Variants in PCDHGA6 observed in about 807,000 individuals in gnomAD.
The protein encoded by PCDHGA6 is protocadherin gamma subfamily A, 6, also known as protocadherin gamma-A6.
PCDHGA6 carries 41 observed loss-of-function variants against 60.6 expected under a neutral mutation model. That is an observed-to-expected ratio of 0.68 (90% CI 0.53 to 0.88). The LOEUF (loss-of-function observed/expected upper bound fraction) is 0.88, where lower values mean the gene tolerates loss of function less well. Among genes scored for constraint, PCDHGA6 ranks in the 40% least tolerant of loss-of-function variants. The pLI is 0.00. For missense variants in PCDHGA6, 1,312 were observed against 1,203.0 expected, an observed-to-expected ratio of 1.09 and a Z score of -1.34; for synonymous variants, 594 against 524.4, an observed-to-expected ratio of 1.13 and a Z score of -1.81.
At chr5:141,409,592 A>G in intron 1 of PCDHGA6, 1 of 1,613,898 alleles carries the variant, frequency 6.2e-7, no homozygotes, top group African/African-American at 1.3e-5. Flanking sequence ...CGTGGCCGAG[A>G]ACAACCCGCC....
At chr5:141,404,865 T>C (rs1308625182) in intron 1 of PCDHGA6, 12 of 1,613,552 alleles carry the variant, frequency 7.4e-6, no homozygotes, top group Non-Finnish European at 1.0e-5. Flanking sequence ...AGAGATGCGC[T>C]CAAACAGAGC....
At position 141,487,329 on chromosome 5, in the gene PCDHGA6, C is replaced by T; in HGVS notation, c.2425-7478C>T. On this transcript the variant is annotated intron_variant, in intron 1 of 3. Coordinates refer to ENST00000517434, the MANE Select transcript of PCDHGA6 (RefSeq NM_018919.3). This position sits in a 1 kb window ranked among gnomAD's most constrained non-coding sequence, Gnocchi z 5.0. Reference sequence around the variant, plus strand: ...CTACTCTCTAAGTGTCTTCGTGGGGCAGCCTGTGGAGTCACATGCTTTCCT... The same window carrying T: ...CTACTCTCTAAGTGTCTTCGTGGGGTAGCCTGTGGAGTCACATGCTTTCCT... 1 of 1,614,170 alleles carries T rather than the reference C, an allele frequency of 6.2e-7. No homozygotes were observed. The highest frequency in any genetic ancestry group is 1.1e-5 in the South Asian group (1 of 91,070).
chr5:141,459,548 C>G (rs980305784), intron 1 of PCDHGA6, among the ~76,000 whole-genome samples: 2 of 152,036 alleles, frequency 1.3e-5, no homozygotes, highest in African/African-American at 4.8e-5. Flanking sequence ...TTTTATTTCT[C>G]TTGGATAAAT....
chr5:141,432,079 G>A lies in PCDHGA6; in HGVS notation c.2424+55572G>A, dbSNP rs138510025. On this transcript the variant is annotated intron_variant, in intron 1 of 3. Transcript: ENST00000517434. The surrounding 1 kb of genome is among the most constrained non-coding windows in gnomAD (Gnocchi z 6.0). ...TATCCACGGAAACTCATATCTCGCT[G>A]AACGTGGCAGACACCAACGACAACC... 1.6e-4 allele frequency: 252 copies of A among 1,614,054 alleles called. No homozygotes were observed. The highest frequency in any genetic ancestry group is 8.1e-5 in the Non-Finnish European group (96 of 1,180,048).
At chr5:141,378,972 G>A (rs2150135353) in intron 1 of PCDHGA6, 1 of 152,298 alleles carries the variant, frequency 6.6e-6, no homozygotes, top group Middle Eastern at 3.4e-3. Context: ...CTAATTTGAT[G>A]ACTTGTTGAA....
intron 1 of PCDHGA6, among the ~76,000 whole-genome samples, chr5:141,448,617 T>C (rs1318664360): frequency 2.0e-5 from 3 of 152,150 alleles, no homozygotes; most frequent in Non-Finnish European, 2.9e-5. Flanking sequence ...ACTTTATATC[T>C]TCCTTTCTTC....
intron 1 of PCDHGA6, among the ~76,000 whole-genome samples, chr5:141,459,692 G>A (rs891511502): frequency 2.6e-5 from 4 of 152,134 alleles, no homozygotes; most frequent in African/African-American, 9.7e-5. Flanking sequence ...AAAGCGTTCC[G>A]CTTGCTACAT....
chr5:141,453,423 C>T (rs931962019), intron 1 of PCDHGA6, among the ~76,000 whole-genome samples: 2 of 152,120 alleles, frequency 1.3e-5, no homozygotes, highest in African/African-American at 4.8e-5. Context: ...TAAGCCACCA[C>T]ACCTAGCCTA....
In PCDHGA6 at chr5:141,414,189, G is replaced by C. The variant is rs1674006167; in HGVS notation, c.2424+37682G>C. ...CATATCTTGCAACTGCAAAAGTGTT[G>C]ATTACAGTAGAAGATGTAAATGACA... On this transcript the variant is annotated intron_variant, in intron 1 of 3. Transcript: ENST00000517434. 3.1e-6 allele frequency: 5 copies of C among 1,609,966 alleles called. No homozygotes were observed. The highest frequency in any genetic ancestry group is 3.4e-6 in the Non-Finnish European group (4 of 1,177,924).
chr5:141,374,144 G>A lies in PCDHGA6; in HGVS notation c.61G>A (p.Gly21Arg). The A allele has an allele frequency of 6.2e-7, 1 of 1,610,858 alleles. No individual in the cohort carries two copies. The highest frequency in any genetic ancestry group is 1.7e-5 in the Admixed American group (1 of 59,792). ...GCAGGTCCTGCTCCTCACGCTCCTG[G>A]GGACGCTGTGGGGGGCCGCGGCAGC... The part of the protein sequence containing the change: ...SEQVLLLTLL[G>R]TLWGAAAAQI... Residue 21 changes from glycine to arginine, a missense_variant, in exon 1 of 4, where the codon GGG becomes AGG. Transcript: ENST00000517434.
chr5:141,426,865 T>G (rs2096965950), intron 1 of PCDHGA6: 1 of 456,600 alleles, frequency 2.2e-6, no homozygotes, highest in African/African-American at 2.0e-5. Flanking sequence ...GAATTAGTGC[T>G]GGAGAAGCCC....
Position 141,432,465 on chromosome 5 carries a change from C to T in PCDHGA6, c.2424+55958C>T. 3 of 1,614,222 alleles carry T rather than the reference C, an allele frequency of 1.9e-6. No individual in the cohort carries two copies. The highest frequency in any genetic ancestry group is 2.5e-6 in the Non-Finnish European group (3 of 1,180,050). On this transcript the variant is annotated intron_variant, in intron 1 of 3. Transcript: ENST00000517434. This position sits in a 1 kb window ranked among gnomAD's most constrained non-coding sequence, Gnocchi z 6.0. The stretch of plus-strand genomic sequence containing the variant: ...GAGATCCTGTACCCCGCCCTCCCCA[C>T]GGACGGTTCCACTGGCGTGGAGCTG...
chr5:141,500,394 A>G (rs1024641290), intron 2 of PCDHGA6, among the ~76,000 whole-genome samples: 1 of 151,922 alleles, frequency 6.6e-6, no homozygotes, highest in Non-Finnish European at 1.5e-5. Flanking sequence ...TATTTTTAGT[A>G]GAGACGGGGT....
chr5:141,377,665 G>T (rs1040007479), intron 1 of PCDHGA6: 1 of 151,618 alleles, frequency 6.6e-6, no homozygotes, highest in Admixed American at 6.6e-5. Flanking sequence ...AACGACAGAC[G>T]TTCATACAAG....
At chr5:141,415,809 CTA>C in intron 1 of PCDHGA6, 1 of 1,346,328 alleles carries the variant, frequency 7.4e-7, no homozygotes, top group Non-Finnish European at 9.5e-7. Flanking sequence ...CAATCAAGGC[CTA>C]TATATCATAA....
intron 1 of PCDHGA6, chr5:141,378,729 T>C (rs769149282): frequency 1.1e-4 from 17 of 152,216 alleles, no homozygotes; most frequent in African/African-American, 3.4e-4. Flanking sequence ...GAACTCTTTA[T>C]TGAAATATTT....
intron 1 of PCDHGA6, among the ~76,000 whole-genome samples, chr5:141,452,909 T>C (rs1408054133): frequency 6.6e-6 from 1 of 152,232 alleles, no homozygotes; most frequent in Non-Finnish European, 1.5e-5. Flanking sequence ...GTTGGCATTA[T>C]ACAGTAAGAA....
intron 1 of PCDHGA6, among the ~76,000 whole-genome samples, chr5:141,401,889 T>G (rs1259815955): frequency 3.3e-5 from 5 of 152,232 alleles, no homozygotes; most frequent in Non-Finnish European, 7.3e-5. Context: ...TATTTTGTGT[T>G]CTTTTTCCCA....
chr5:141,500,139 CT>C (rs2099796692), intron 2 of PCDHGA6, among the ~76,000 whole-genome samples: 2 of 151,768 alleles, frequency 1.3e-5, no homozygotes, highest in East Asian at 3.9e-4. Context: ...TCTTTCTAAA[CT>C]TTTCTTTGTG....
Sources: gnomAD v4.1 joint callset for allele counts (sites outside exome capture counted in the v4.1 genomes callset) on GRCh38, gnomAD v4.1.1 for gene constraint, Gnocchi (gnomAD v3.1) non-coding constraint, MANE v1.5 for transcripts, NCBI Gene and HGNC (gene_info 2026-07-23, HGNC 2026-07-21) for gene names.